Variants in PRKN observed in about 807,000 individuals in gnomAD.
PRKN encodes the protein parkin RBR E3 ubiquitin protein ligase.
Under a neutral mutation model 59.5 loss-of-function variants are expected in PRKN, and 56 were observed. The ratio of observed to expected loss-of-function variants is 0.94; its 90% CI spans 0.76 to 1.18. PRKN has a LOEUF of 1.18. Among genes scored for constraint, PRKN ranks in the 50% most tolerant of loss-of-function variants. The pLI is 0.00. For missense variants in PRKN, 657 were observed against 596.4 expected (o/e 1.10, Z -1.06); for synonymous variants, 250 against 222.1 (o/e 1.13, Z -1.12).
intron 2 of PRKN, among the ~76,000 whole-genome samples, chr6:162,416,812 G>A (rs1268311495): frequency 1.3e-5 from 2 of 152,030 alleles, no homozygotes; most frequent in African/African-American, 4.8e-5. Flanking sequence ...GAAAATTTGA[G>A]TAAAGATGTA....
intron 3 of PRKN, among the ~76,000 whole-genome samples, chr6:162,215,452 G>T (rs1167270850): frequency 2.0e-5 from 3 of 152,144 alleles, no homozygotes; most frequent in Non-Finnish European, 2.9e-5. Context: ...CATGCAATTT[G>T]ATAATTATTT....
chr6:161,929,541 T>TTTTC (rs1779093186), intron 6 of PRKN, among the ~76,000 whole-genome samples: 1 of 146,966 alleles, frequency 6.8e-6, no homozygotes, highest in African/African-American at 2.6e-5. Context: ...TTTTTTTTTT[T>TTTTC]GAGACGGAGT....
chr6:161,904,228 C>T lies in PRKN; in HGVS notation c.734+69074G>A, dbSNP rs369211180. Reference sequence around the variant, plus strand: ...GGGTCCTGAGGATGCTGAGCCAGCACGCCCACAGTTTGGGGGGAAAAAAAT... The same window carrying T: ...GGGTCCTGAGGATGCTGAGCCAGCATGCCCACAGTTTGGGGGGAAAAAAAT... On this transcript the variant is annotated intron_variant, in intron 6 of 11. Transcript: ENST00000366898. 5.3e-5 allele frequency among the ~76,000 whole-genome samples: 8 copies of T among 151,540 alleles called. No homozygotes were observed. The East Asian group carries it at 7.8e-4, about 15-fold the overall frequency.
chr6:161,829,448 G>A (rs1370517527), intron 6 of PRKN, among the ~76,000 whole-genome samples: 9 of 152,058 alleles, frequency 5.9e-5, no homozygotes, highest in Admixed American at 2.0e-4. Context: ...GGCTTTTGGC[G>A]GTTTTCACTG....
At chr6:161,441,419 C>T (rs915700344) in intron 9 of PRKN, among the ~76,000 whole-genome samples, 8 of 151,774 alleles carry the variant, frequency 5.3e-5, no homozygotes, top group South Asian at 4.2e-4. Context: ...CCAAGGCGGG[C>T]GGATCACTTG....
At chr6:161,630,065 G>T (rs1783241571) in intron 7 of PRKN, among the ~76,000 whole-genome samples, 1 of 152,134 alleles carries the variant, frequency 6.6e-6, no homozygotes, top group Non-Finnish European at 1.5e-5. Context: ...CACACCCACG[G>T]TATCATAATA....
chr6:161,707,195 T>A (rs13208989), intron 7 of PRKN, among the ~76,000 whole-genome samples: 1 of 151,838 alleles, frequency 6.6e-6, no homozygotes, highest in African/African-American at 2.4e-5. Context: ...CTTGGAAATG[T>A]GGTTACTTGT....
chr6:161,969,132 G>A (rs1157810986), intron 6 of PRKN, among the ~76,000 whole-genome samples: 1 of 152,172 alleles, frequency 6.6e-6, no homozygotes, highest in Non-Finnish European at 1.5e-5. Flanking sequence ...TTCTGGAAAG[G>A]AAGGTGACAA....
intron 2 of PRKN, among the ~76,000 whole-genome samples, chr6:162,383,057 G>A (rs150465143): frequency 1.0e-3 from 153 of 152,228 alleles, no homozygotes; most frequent in African/African-American, 3.5e-3. Flanking sequence ...CCACATCTGC[G>A]ATGACTTCCT....
At chr6:162,716,145 CA>C (rs758024093) in intron 1 of PRKN, among the ~76,000 whole-genome samples, 47 of 152,140 alleles carry the variant, frequency 3.1e-4, no homozygotes, top group Non-Finnish European at 3.4e-4. Context: ...CTTTTTTCAG[CA>C]AAAAATAAAT....
chr6:162,449,319 A>G (rs932858851), intron 1 of PRKN, among the ~76,000 whole-genome samples: 5 of 152,176 alleles, frequency 3.3e-5, no homozygotes, highest in Non-Finnish European at 5.9e-5. Flanking sequence ...TCTTTGATCC[A>G]TCAATAAATT....
rs564826478 is a variant in PRKN at position 162,569,623 on chromosome 6, C to A, written c.8-126150G>T. On this transcript the variant is annotated intron_variant, in intron 1 of 11. Coordinates refer to ENST00000366898, the MANE Select transcript of PRKN (RefSeq NM_004562.3). ...CCAGCTTTGGCTCTGACATGGGCTC[C>A]AGCTCCTTCAGCTGCACCAGCTCCA... is the stretch of plus-strand genomic sequence containing the variant. 8.5e-4 allele frequency: 602 copies of A among 706,208 alleles called. 2 individuals are homozygous for A. The highest frequency in any genetic ancestry group is 1.3e-3 in the Non-Finnish European group (480 of 380,474). 43.7% of individuals were successfully genotyped at this position (706,208 alleles called of 1,614,324 possible). A position where few individuals can be genotyped will look rare whatever the true frequency, so the allele number is the denominator to read the frequency against.
chr6:162,527,611 G>A (rs1410357249), intron 1 of PRKN, among the ~76,000 whole-genome samples: 27 of 152,050 alleles, frequency 1.8e-4, no homozygotes, highest in Admixed American at 6.6e-5. Flanking sequence ...CAGTTTCTTC[G>A]TTACGACTGG....
intron 1 of PRKN, among the ~76,000 whole-genome samples, chr6:162,681,477 CAG>C (rs1779766114): frequency 6.6e-6 from 1 of 152,030 alleles, no homozygotes; most frequent in African/African-American, 2.4e-5. Context: ...ACAAAAGGAC[CAG>C]AGACTACTCC....
At chr6:162,578,530 G>T (rs963237410) in intron 1 of PRKN, among the ~76,000 whole-genome samples, 3 of 152,122 alleles carry the variant, frequency 2.0e-5, no homozygotes, top group Non-Finnish European at 4.4e-5. Context: ...TGTCTGTTTT[G>T]AGGACAATGT....
chr6:161,476,980 A>AG (rs772056940), intron 9 of PRKN, among the ~76,000 whole-genome samples: 3 of 152,238 alleles, frequency 2.0e-5, no homozygotes, highest in Non-Finnish European at 4.4e-5. Context: ...CTAATGAGGC[A>AG]GTAAGGCAGG....
chr6:161,994,391 G>C (rs890653114), intron 5 of PRKN, among the ~76,000 whole-genome samples: 1 of 152,014 alleles, frequency 6.6e-6, no homozygotes, highest in Non-Finnish European at 1.5e-5. Flanking sequence ...AAAGGTGAAC[G>C]TCTATCCTCT....
chr6:162,469,513 C>T lies in PRKN; in HGVS notation c.8-26040G>A, dbSNP rs552189652. Among the ~76,000 whole-genome samples, 4 of 122,836 alleles carry T rather than the reference C, an allele frequency of 3.3e-5. No individual in the cohort carries two copies. The East Asian group carries it at 1.2e-3, about 37-fold the overall frequency. 80.6% of individuals were successfully genotyped at this position (122,836 alleles called of 152,430 possible). A position where few individuals can be genotyped will look rare whatever the true frequency, so the allele number is the denominator to read the frequency against. Reference sequence around the variant, plus strand: ...TGGTATGTGTGTGTGTGTGTATACACACACACACACACACACATACACATA... The same window carrying T: ...TGGTATGTGTGTGTGTGTGTATACATACACACACACACACACATACACATA... On this transcript the variant is annotated intron_variant, in intron 1 of 11. Transcript: ENST00000366898.
Position 161,561,103 on chromosome 6 carries a change from C to A in PRKN, c.933+8252G>T, listed in dbSNP as rs548827919. On this transcript the variant is annotated intron_variant, in intron 8 of 11. Transcript: ENST00000366898. The surrounding 1 kb of genome is among the most constrained non-coding windows in gnomAD (Gnocchi z 5.0). ...GTGTTTCTCCAGTGACATGTTCTCTCTTCTTTCTTCCCCTCAACCCGCCGA... is the reference window on the plus strand; with the variant it reads ...GTGTTTCTCCAGTGACATGTTCTCTATTCTTTCTTCCCCTCAACCCGCCGA... Among the ~76,000 whole-genome samples the A allele has an allele frequency of 1.1e-4, 17 of 152,258 alleles. No homozygotes were observed. In the South Asian group the frequency reaches 3.5e-3, roughly 32 times the overall value.
Sources: gnomAD v4.1 joint callset for allele counts (sites outside exome capture counted in the v4.1 genomes callset) on GRCh38, gnomAD v4.1.1 for gene constraint, Gnocchi (gnomAD v3.1) non-coding constraint, MANE v1.5 for transcripts, NCBI Gene and HGNC (gene_info 2026-07-23, HGNC 2026-07-21) for gene names.